The following ATG4C variants were observed in gnomAD, a reference collection of about 807,000 sequenced individuals.
ATG4C encodes autophagy related 4C cysteine peptidase, also known as cysteine protease ATG4C.
In ATG4C, 56 loss-of-function variants were observed where a neutral mutation model predicts 57.6. The ratio of observed to expected loss-of-function variants is 0.97; its 90% CI spans 0.78 to 1.21. The LOEUF (loss-of-function observed/expected upper bound fraction) is 1.21, where lower values mean the gene tolerates loss of function less well. Among genes scored for constraint, ATG4C ranks in the 50% most tolerant of loss-of-function variants. The probability of loss-of-function intolerance (pLI) is 0.00; values close to 1 mark genes in which losing one functional copy is unlikely to be tolerated. For synonymous variants in ATG4C, 157 were observed against 174.1 expected, an observed-to-expected ratio of 0.90 and a Z score of 0.78; for missense variants, 595 against 529.8, an observed-to-expected ratio of 1.12 and a Z score of -1.21.
At chr1:62,816,041 T>G (rs1322732365) in intron 3 of ATG4C, among the ~76,000 whole-genome samples, 1 of 152,200 alleles carries the variant, frequency 6.6e-6, no homozygotes, top group African/African-American at 2.4e-5. Flanking sequence ...TGAGCCACCA[T>G]GCCTGGCTAA....
chr1:62,825,271 C>T (rs67922190), intron 6 of ATG4C, among the ~76,000 whole-genome samples: 21,521 of 151,396 alleles, frequency 0.14, 1,856 homozygotes, highest in Middle Eastern at 0.19. Context: ...GCCGTTGTGC[C>T]CACCCCAAAA....
At chr1:62,814,934 G>T (rs1194061276) in intron 3 of ATG4C, among the ~76,000 whole-genome samples, 1 of 152,082 alleles carries the variant, frequency 6.6e-6, no homozygotes, top group Non-Finnish European at 1.5e-5. Flanking sequence ...GCGTTGTGGT[G>T]CATGCGTGCA....
chr1:62,809,947 C>G (rs1665021474), intron 3 of ATG4C, among the ~76,000 whole-genome samples: 1 of 152,050 alleles, frequency 6.6e-6, no homozygotes, highest in African/African-American at 2.4e-5. Context: ...GAAATAGGAA[C>G]TGAAACACTG....
At chr1:62,826,035 G>C (rs556598695) in intron 6 of ATG4C, among the ~76,000 whole-genome samples, 1 of 152,122 alleles carries the variant, frequency 6.6e-6, no homozygotes, top group East Asian at 1.9e-4. Context: ...AGCCTCCCAA[G>C]TAGCTGGGAT....
chr1:62,801,292 A>C (rs890885896), intron 1 of ATG4C, among the ~76,000 whole-genome samples: 5 of 152,206 alleles, frequency 3.3e-5, no homozygotes. Context: ...GCAGTTCTCA[A>C]ATTAATATGC....
chr1:62,820,586 T>C (rs1039669360), intron 5 of ATG4C, among the ~76,000 whole-genome samples: 6 of 152,114 alleles, frequency 3.9e-5, no homozygotes, highest in Non-Finnish European at 7.4e-5. Flanking sequence ...ATGTACACCA[T>C]TGAGAACATT....
At chr1:62,833,771 A>T (rs1212245111) in intron 7 of ATG4C, among the ~76,000 whole-genome samples, 1 of 152,062 alleles carries the variant, frequency 6.6e-6, no homozygotes, top group Non-Finnish European at 1.5e-5. Context: ...GGTAAAATTG[A>T]TTATCTCTCT....
At chr1:62,856,795 G>C (rs1666697564) in intron 10 of ATG4C, among the ~76,000 whole-genome samples, 1 of 152,184 alleles carries the variant, frequency 6.6e-6, no homozygotes, top group Non-Finnish European at 1.5e-5. Context: ...AGGATGACTA[G>C]ATGATAGAAA....
At chr1:62,797,138 A>T (rs536282717) in intron 1 of ATG4C, among the ~76,000 whole-genome samples, 2 of 152,006 alleles carry the variant, frequency 1.3e-5, no homozygotes, top group Non-Finnish European at 2.9e-5. Flanking sequence ...AACTAACATT[A>T]TGAACTTCTA....
chr1:62,863,596 CCAAA>C (rs1051208490), intron 10 of ATG4C, among the ~76,000 whole-genome samples: 5 of 151,988 alleles, frequency 3.3e-5, no homozygotes, highest in Non-Finnish European at 5.9e-5. Context: ...GCCTAGATTA[CCAAA>C]CAGTCTTCTA....
chr1:62,852,663 A>G (rs1666552715), intron 10 of ATG4C, among the ~76,000 whole-genome samples: 1 of 151,858 alleles, frequency 6.6e-6, no homozygotes, highest in Non-Finnish European at 1.5e-5. Flanking sequence ...ATGTGCTATG[A>G]TTACATTTCT....
chr1:62,842,920 A>G (rs934651923), intron 10 of ATG4C, among the ~76,000 whole-genome samples: 23 of 152,134 alleles, frequency 1.5e-4, no homozygotes, highest in African/African-American at 5.6e-4. Flanking sequence ...GCATTTGTAT[A>G]TTTTAGTTTG....
chr1:62,853,972 G>C (rs889771797), intron 10 of ATG4C, among the ~76,000 whole-genome samples: 3 of 151,664 alleles, frequency 2.0e-5, no homozygotes, highest in African/African-American at 7.3e-5. Context: ...GTTTCTCATG[G>C]TCTTCATATT....
At chr1:62,814,469 T>C (rs1420567239) in intron 3 of ATG4C, among the ~76,000 whole-genome samples, 1 of 152,052 alleles carries the variant, frequency 6.6e-6, no homozygotes, top group Non-Finnish European at 1.5e-5. Flanking sequence ...AGGGGAGGGA[T>C]AGCATTAGGA....
chr1:62,816,956 G>T, intron 4 of ATG4C, 148 bp downstream of exon 4: 2 of 651,206 alleles, frequency 3.1e-6, no homozygotes, highest in Non-Finnish European at 2.5e-6. Flanking sequence ...TAACTAATTT[G>T]GTGTATTGCA....
At chr1:62,832,565 A>C (rs1201658521) in intron 7 of ATG4C, among the ~76,000 whole-genome samples, 2 of 152,076 alleles carry the variant, frequency 1.3e-5, no homozygotes, top group African/African-American at 2.4e-5. Context: ...TTTTGATACA[A>C]TTTTATCTTT....
intron 10 of ATG4C, among the ~76,000 whole-genome samples, chr1:62,857,990 T>C (rs1280125358): frequency 2.6e-5 from 4 of 152,196 alleles, no homozygotes; most frequent in Admixed American, 2.0e-4. Context: ...TGCTGTCCTC[T>C]TACATCTACC....
chr1:62,839,645 C>T (rs1311961762), intron 9 of ATG4C, among the ~76,000 whole-genome samples: 1 of 152,154 alleles, frequency 6.6e-6, no homozygotes, highest in Non-Finnish European at 1.5e-5. Context: ...GTTTGTTTAG[C>T]TTTTCTGTGC....
In ATG4C at chr1:62,790,862, A is replaced by C. The variant is rs576615775; in HGVS notation, c.-69+6589A>C. Among the ~76,000 whole-genome samples, 7 of 152,344 alleles carry C rather than the reference A, an allele frequency of 4.6e-5. No homozygotes were observed. In the South Asian group the frequency reaches 1.5e-3, roughly 32 times the overall value. On this transcript the variant is annotated intron_variant, in intron 1 of 10. Transcript: ENST00000317868. ...AATTGTGTTTGTGAACATTTTAAAC[A>C]ATGCTCTTCTTTTAACTGATGATAC...
Sources: allele counts gnomAD v4.1 joint callset (sites outside exome capture counted in the v4.1 genomes callset), GRCh38; gene constraint gnomAD v4.1.1; transcripts MANE v1.5; gene names NCBI Gene and HGNC (gene_info 2026-07-23, HGNC 2026-07-21).